The following BBS9 variants were observed in gnomAD, a reference collection of about 807,000 sequenced individuals.
BBS9 encodes protein PTHB1.
Under a neutral mutation model 117.7 loss-of-function variants are expected in BBS9, and 89 were observed. The ratio of observed to expected loss-of-function variants is 0.76; its 90% CI spans 0.64 to 0.90. The LOEUF is 0.90. Among genes scored for constraint, BBS9 ranks in the 40% least tolerant of loss-of-function variants. The probability of loss-of-function intolerance (pLI) is 0.00; values close to 1 mark genes in which losing one functional copy is unlikely to be tolerated. For missense variants in BBS9, 982 were observed against 1,042.2 expected (o/e 0.94, Z 0.80); for synonymous variants, 379 against 370.9 (o/e 1.02, Z -0.25).
chr7:33,471,609 C>T lies in BBS9; in HGVS notation c.2116-33854C>T, dbSNP rs186107829. On this transcript the variant is annotated intron_variant, in intron 19 of 22. Coordinates refer to ENST00000242067, the MANE Select transcript of BBS9 (RefSeq NM_198428.3). ...AGAAGCAGGACTGATCCCAGGTCTC[C>T]TTAGCTGTCCACTGTGCTTTCCACC... 2.6e-4 allele frequency among the ~76,000 whole-genome samples: 40 copies of T among 152,308 alleles called. No individual in the cohort carries two copies. In the East Asian group the frequency reaches 7.7e-3, roughly 29 times the overall value.
intron 21 of BBS9, among the ~76,000 whole-genome samples, chr7:33,616,491 G>GTATATATATATATATATATATATATATA (rs1255562311): frequency 1.4e-4 from 20 of 138,734 alleles, no homozygotes; most frequent in East Asian, 6.5e-4. Flanking sequence ...GTGTGTGTGT[G>GTATATATATATATATATATATATATATA]TGTATATATA....
intron 21 of BBS9, among the ~76,000 whole-genome samples, chr7:33,574,684 A>AACATACAC (rs1858410994): frequency 7.3e-6 from 1 of 137,568 alleles, no homozygotes; most frequent in Non-Finnish European, 1.6e-5. Flanking sequence ...AGTCATAGAA[A>AACATACAC]ACACACACAC....
At chr7:33,142,299 G>A (rs1422356231) in intron 1 of BBS9, among the ~76,000 whole-genome samples, 2 of 152,136 alleles carry the variant, frequency 1.3e-5, no homozygotes, top group African/African-American at 4.8e-5. Context: ...TTTCTTTAAT[G>A]TAAGTTTAAA....
chr7:33,527,513 A>G (rs548175597), intron 20 of BBS9, among the ~76,000 whole-genome samples: 3 of 152,290 alleles, frequency 2.0e-5, no homozygotes, highest in Admixed American at 2.0e-4. Flanking sequence ...CCGATTTTCC[A>G]GGTGCGTCCG....
chr7:33,565,783 A>G (rs71534350), intron 21 of BBS9, among the ~76,000 whole-genome samples: 322 of 10,038 alleles, frequency 0.032, 1 homozygote, highest in African/African-American at 0.098. Flanking sequence ...TATCAGTAGT[A>G]TATATATATA....
intron 9 of BBS9, among the ~76,000 whole-genome samples, chr7:33,286,576 A>G (rs954471248): frequency 3.9e-5 from 6 of 152,136 alleles, no homozygotes; most frequent in African/African-American, 1.4e-4. Context: ...GTTTATTTTT[A>G]TGGGTTCCTG....
chr7:33,254,821 T>G (rs1796770634), intron 5 of BBS9, among the ~76,000 whole-genome samples: 1 of 152,196 alleles, frequency 6.6e-6, no homozygotes, highest in Admixed American at 6.5e-5. Context: ...TCATCCATGT[T>G]GTTGTAAATG....
chr7:33,334,818 C>G (rs1356276307), intron 9 of BBS9, among the ~76,000 whole-genome samples: 1 of 152,166 alleles, frequency 6.6e-6, no homozygotes, highest in Non-Finnish European at 1.5e-5. Context: ...AGCATCAGAG[C>G]CAGACTCAAG....
intron 19 of BBS9, among the ~76,000 whole-genome samples, chr7:33,422,558 C>T (rs1833017753): frequency 1.3e-5 from 2 of 152,114 alleles, no homozygotes; most frequent in South Asian, 2.1e-4. Context: ...TGCTTTCTAG[C>T]TACCACAATT....
chr7:33,441,452 A>G (rs1042509848), intron 19 of BBS9, among the ~76,000 whole-genome samples: 19 of 152,178 alleles, frequency 1.2e-4, no homozygotes, highest in African/African-American at 4.6e-4. Flanking sequence ...GTTTTAATTC[A>G]TCTATTCATA....
chr7:33,358,125 G>T, intron 16 of BBS9, 130 bp downstream of exon 16: 1 of 1,221,984 alleles, frequency 8.2e-7, no homozygotes. Context: ...AATGCCTCAA[G>T]GATTTTTCCC....
intron 19 of BBS9, among the ~76,000 whole-genome samples, chr7:33,411,763 G>T (rs1227215663): frequency 6.6e-6 from 1 of 151,884 alleles, no homozygotes; most frequent in Non-Finnish European, 1.5e-5. Flanking sequence ...TAAAATTTAG[G>T]GATTAAGAGA....
At chr7:33,198,095 G>C (rs1156837857) in intron 5 of BBS9, among the ~76,000 whole-genome samples, 1 of 151,792 alleles carries the variant, frequency 6.6e-6, no homozygotes, top group Non-Finnish European at 1.5e-5. Context: ...AAAGTGAGCT[G>C]GATTTTAAAA....
At chr7:33,426,566 G>C (rs146844855) in intron 19 of BBS9, among the ~76,000 whole-genome samples, 20 of 146,370 alleles carry the variant, frequency 1.4e-4, no homozygotes, top group Non-Finnish European at 2.3e-4. Context: ...ATTAATAGAT[G>C]TTCTGTAAAA....
chr7:33,608,865 G>T (rs1186525790), downstream of BBS9, among the ~76,000 whole-genome samples: 1 of 135,960 alleles, frequency 7.4e-6, no homozygotes. Flanking sequence ...TAGTTAATTA[G>T]GTCCTACTTA....
chr7:33,288,673 T>C (rs1257679180), intron 9 of BBS9, among the ~76,000 whole-genome samples: 3 of 152,206 alleles, frequency 2.0e-5, no homozygotes, highest in African/African-American at 7.2e-5. Context: ...GCATGAAGTA[T>C]ATATTATGAA....
intron 5 of BBS9, among the ~76,000 whole-genome samples, chr7:33,210,992 G>T (rs1467148147): frequency 6.6e-6 from 1 of 152,060 alleles, no homozygotes; most frequent in Non-Finnish European, 1.5e-5. Flanking sequence ...TAGCTACTCT[G>T]GCTCTTCTTT....
At chr7:33,344,725 G>A in intron 12 of BBS9, 91 bp downstream of exon 12, 1 of 1,320,774 alleles carries the variant, frequency 7.6e-7, no homozygotes, top group Non-Finnish European at 1.1e-6. Context: ...GTAGCTTACA[G>A]AAATGTAAAA....
At chr7:33,199,084 A>G (rs928677663) in intron 5 of BBS9, among the ~76,000 whole-genome samples, 2 of 151,976 alleles carry the variant, frequency 1.3e-5, no homozygotes, top group African/African-American at 2.4e-5. Flanking sequence ...TTGGGAACCC[A>G]ATCAATGGTT....
Sources: allele counts gnomAD v4.1 joint callset (sites outside exome capture counted in the v4.1 genomes callset), GRCh38; gene constraint gnomAD v4.1.1; transcripts MANE v1.5; gene names NCBI Gene and HGNC (gene_info 2026-07-23, HGNC 2026-07-21).